NWD1: variants seen among roughly 807,000 people sequenced by gnomAD.
NWD1 encodes the protein NACHT domain- and WD repeat-containing protein 1.
NWD1 carries 129 observed loss-of-function variants against 135.1 expected under a neutral mutation model. That is an observed-to-expected ratio of 0.96 (90% CI 0.83 to 1.11). The LOEUF (loss-of-function observed/expected upper bound fraction) is 1.11. Among genes scored for constraint, NWD1 ranks in the 50% least tolerant of loss-of-function variants. The pLI, the probability that NWD1 is intolerant of heterozygous loss-of-function variation, is 0.00. For missense variants in NWD1, 1,740 were observed against 1,851.3 expected, an observed-to-expected ratio of 0.94 and a Z score of 1.10; for synonymous variants, 773 against 786.0, an observed-to-expected ratio of 0.98 and a Z score of 0.28.
In NWD1 at chr19:16,744,543, C is replaced by G; in HGVS notation, c.321C>G (p.Tyr107Ter). The G allele has an allele frequency of 6.5e-7, 1 of 1,535,968 alleles. No homozygotes were observed. The highest frequency in any genetic ancestry group is 8.7e-7 in the Non-Finnish European group (1 of 1,146,838). Residue 107 changes from tyrosine to a stop codon, truncating the protein, a stop_gained, in exon 5 of 19, where the codon TAC becomes TAG. Transcript: ENST00000524140. LOFTEE classifies it high-confidence loss of function. ...GTGACCTGGAGCTGGTGGCACGATA[C>G]TTCCAGAGGGACGAGAATGCGTTTC... ...RPSDLELVAR[Y>*]FQRDENAFPP...
At chr19:16,769,756 G>C (rs1429183452) in intron 10 of NWD1, among the ~76,000 whole-genome samples, 1 of 152,168 alleles carries the variant, frequency 6.6e-6, no homozygotes, top group African/African-American at 2.4e-5. Flanking sequence ...CACCACTGAA[G>C]CTTAACTTCT....
intron 12 of NWD1, among the ~76,000 whole-genome samples, chr19:16,782,925 C>T (rs570100668): frequency 5.1e-4 from 76 of 149,934 alleles, no homozygotes; most frequent in Non-Finnish European, 9.3e-4. Flanking sequence ...TCCTTCCTTT[C>T]CTTCCTTCCT....
chr19:16,808,181 G>T (rs1970816327), intron 18 of NWD1, 45 bp downstream of exon 18: 1 of 1,547,572 alleles, frequency 6.5e-7, no homozygotes. Flanking sequence ...CCAGGCATTG[G>T]AAAACTGATA....
chr19:16,802,713 A>C (rs1430453939), intron 17 of NWD1, among the ~76,000 whole-genome samples: 1 of 151,976 alleles, frequency 6.6e-6, no homozygotes, highest in African/African-American at 2.4e-5. Context: ...ATAAAGACAT[A>C]CCTGAGGCCG....
chr19:16,798,632 CTTTATT>C (rs899793626), intron 16 of NWD1, among the ~76,000 whole-genome samples: 2 of 152,030 alleles, frequency 1.3e-5, no homozygotes, highest in African/African-American at 4.8e-5. Flanking sequence ...GAATAATTTT[CTTTATT>C]TTTTGAGACC....
At chr19:16,732,470 G>A (rs1441708203) in intron 3 of NWD1, among the ~76,000 whole-genome samples, 3 of 151,488 alleles carry the variant, frequency 2.0e-5, no homozygotes, top group Non-Finnish European at 2.9e-5. Context: ...AGGGCTTTGC[G>A]ATATGGGGGA....
chr19:16,782,509 T>A (rs1969891968), intron 12 of NWD1, among the ~76,000 whole-genome samples: 1 of 151,880 alleles, frequency 6.6e-6, no homozygotes, highest in Non-Finnish European at 1.5e-5. Flanking sequence ...GTGGAGAAGG[T>A]CTAAAGAGCT....
In NWD1 at chr19:16,765,104, G is replaced by C; in HGVS notation, c.2322G>C (p.Leu774=). The C allele has an allele frequency of 6.2e-7, 1 of 1,614,150 alleles. No homozygotes were observed. Among genetic ancestry groups the C allele is most frequent in the Non-Finnish European group, 8.5e-7 (1 of 1,180,018 alleles). ...AAGACCTGCTGGATGACTTTGACCTGTGTGCCCCTCACCTGGACTCCCCTG... is the reference window on the plus strand; with the variant it reads ...AAGACCTGCTGGATGACTTTGACCTCTGTGCCCCTCACCTGGACTCCCCTG... ...GIEDLLDDFD[L]CAPHLDSPEV... The change falls in exon 10 of 19, where the codon CTG becomes CTC. Residue 774 remains leucine (L), a synonymous_variant. Transcript: ENST00000524140.
intron 11 of NWD1, among the ~76,000 whole-genome samples, chr19:16,776,541 C>A (rs1417267918): frequency 2.0e-5 from 3 of 150,012 alleles, no homozygotes; most frequent in African/African-American, 7.4e-5. Flanking sequence ...GCACTCCAGC[C>A]TGGGCGAAAG....
At position 16,749,346 on chromosome 19, in the gene NWD1, A is replaced by C; in HGVS notation, c.704A>C (p.His235Pro). ...CTCAAAAGTCACATCACTGACATGC[A>C]CCCAGGGGTCCTCAAGACCCACCGC... ...SSLKSHITDM[H>P]PGVLKTHRLP... is the part of the protein sequence containing the mutation. The change falls in exon 6 of 19, where the codon CAC becomes CCC. Residue 235 changes from histidine (H) to proline (P), a missense_variant. Physicochemically the swap from His to Pro is moderately conservative, Grantham distance 77. Coordinates refer to ENST00000524140, the MANE Select transcript of NWD1 (RefSeq NM_001007525.5). 1 of 1,613,734 alleles carries C rather than the reference A, an allele frequency of 6.2e-7. No individual in the cohort carries two copies. Among genetic ancestry groups the C allele is most frequent in the Non-Finnish European group, 8.5e-7 (1 of 1,179,928 alleles).
chr19:16,744,345 C>G, intron 4 of NWD1, 76 bp from the exon 5 acceptor site: 1 of 1,346,010 alleles, frequency 7.4e-7, no homozygotes, highest in Non-Finnish European at 1.0e-6. Flanking sequence ...CCACCGCACT[C>G]CAGCCTGGGC....
intron 6 of NWD1, among the ~76,000 whole-genome samples, chr19:16,756,424 C>G (rs1003744977): frequency 6.6e-6 from 1 of 152,018 alleles, no homozygotes; most frequent in Non-Finnish European, 1.5e-5. Context: ...ACAGCACAGG[C>G]GGAAGAAAAT....
At chr19:16,774,622 A>C (rs1013209243) in intron 11 of NWD1, among the ~76,000 whole-genome samples, 1 of 149,084 alleles carries the variant, frequency 6.7e-6, no homozygotes, top group East Asian at 2.0e-4. Flanking sequence ...CCATTCATCA[A>C]ATCACCTTCC....
intron 6 of NWD1, among the ~76,000 whole-genome samples, chr19:16,753,029 T>C (rs1209313750): frequency 6.6e-6 from 1 of 152,230 alleles, no homozygotes; most frequent in East Asian, 1.9e-4. Flanking sequence ...CTGGGGCATG[T>C]TCCAGAATAG....
rs910136765 is a variant in NWD1 at position 16,750,489 on chromosome 19, A to G, written c.1769+78A>G. On this transcript the variant is annotated intron_variant, in intron 6 of 18. Coordinates refer to ENST00000524140, the MANE Select transcript of NWD1 (RefSeq NM_001007525.5). ...TATTTTTAGAGATGGAGGTCTGGCT[A>G]TGTCACCCAGGCTGGAGTGCAGTGG... 5.1e-6 allele frequency: 6 copies of G among 1,167,908 alleles called. No homozygotes were observed. In the African/African-American group the frequency reaches 9.3e-5, roughly 18 times the overall value. 72.3% of individuals were successfully genotyped at this position (1,167,908 alleles called of 1,614,324 possible). A position where few individuals can be genotyped will look rare whatever the true frequency, so the allele number is the denominator to read the frequency against.
chr19:16,807,798 G>A lies in NWD1; in HGVS notation c.3949G>A (p.Ala1317Thr), dbSNP rs768416508. 6.8e-5 allele frequency: 109 copies of A among 1,613,900 alleles called. No individual in the cohort carries two copies. Among genetic ancestry groups the A allele is most frequent in the Non-Finnish European group, 8.1e-5 (95 of 1,179,952 alleles). Residue 1317 changes from alanine (A) to threonine (T), a missense_variant, in exon 18 of 19, where the codon GCC (alanine) becomes ACC (threonine). By Grantham distance (58) the Ala-to-Thr change is moderately conservative. Coordinates refer to ENST00000524140, the MANE Select transcript of NWD1 (RefSeq NM_001007525.5). The stretch of plus-strand genomic sequence containing the variant: ...CAAGTGCGAGGACCGCCTGGCCATC[G>A]CCTATGACAACATCGTCCTGGTGCT... ...LSKCEDRLAI[A>T]YDNIVLVLDI...
intron 12 of NWD1, among the ~76,000 whole-genome samples, chr19:16,785,490 G>A (rs905796807): frequency 2.6e-5 from 4 of 151,486 alleles, no homozygotes; most frequent in Non-Finnish European, 4.4e-5. Context: ...CAGCCTGGGA[G>A]ACAGAGTGAG....
chr19:16,727,310 A>G (rs1967368085), intron 2 of NWD1: 1 of 152,422 alleles, frequency 6.6e-6, no homozygotes, highest in African/African-American at 2.4e-5. Context: ...GCCACTGTCT[A>G]ATATCCCTCC....
chr19:16,761,002 C>T (rs1968989905), intron 7 of NWD1, among the ~76,000 whole-genome samples: 1 of 152,188 alleles, frequency 6.6e-6, no homozygotes, highest in South Asian at 2.1e-4. Context: ...ACCCTGTCCC[C>T]ATCAGCCGTC....
Sources: gnomAD v4.1 joint callset for allele counts (sites outside exome capture counted in the v4.1 genomes callset) on GRCh38, gnomAD v4.1.1 for gene constraint, MANE v1.5 for transcripts, NCBI Gene and HGNC (gene_info 2026-07-23, HGNC 2026-07-21) for gene names.